Variants in CHD1L observed in about 807,000 individuals in gnomAD.
CHD1L encodes chromodomain helicase DNA binding protein 1 like.
A neutral mutation model predicts 115.9 loss-of-function variants in CHD1L; 118 were observed. The ratio of observed to expected loss-of-function variants is 1.02; its 90% CI spans 0.88 to 1.19. The LOEUF is 1.19. Among genes scored for constraint, CHD1L ranks in the 50% most tolerant of loss-of-function variants. The probability of loss-of-function intolerance (pLI) is 0.00; values close to 1 mark genes in which losing one functional copy is unlikely to be tolerated. For synonymous variants in CHD1L, 411 were observed against 387.1 expected, an observed-to-expected ratio of 1.06 and a Z score of -0.72; for missense variants, 1,179 against 1,065.3, an observed-to-expected ratio of 1.11 and a Z score of -1.49.
chr1:147,291,419 A>T, intron 19 of CHD1L, 63 bp from the exon 20 acceptor site: 1 of 1,336,836 alleles, frequency 7.5e-7, no homozygotes, highest in Non-Finnish European at 1.1e-6. Flanking sequence ...GCGAGATACG[A>T]GGAGGATTCA....
At chr1:147,252,024 G>A (rs201343496) in intron 1 of CHD1L, among the ~76,000 whole-genome samples, 1 of 152,066 alleles carries the variant, frequency 6.6e-6, no homozygotes, top group Non-Finnish European at 1.5e-5. Flanking sequence ...GCTATTCTTT[G>A]AAATTGGATT....
chr1:147,172,769 G>C, the CHD1L span: 2 of 152,334 alleles, frequency 1.3e-5, no homozygotes, highest in Non-Finnish European at 2.9e-5. Context: ...CTTGGCCTCT[G>C]AGACTACCCG....
chr1:147,252,609 T>C lies in CHD1L; in HGVS notation c.128-14T>C. The C allele has an allele frequency of 6.2e-7, 1 of 1,604,592 alleles. No homozygotes were observed. Among genetic ancestry groups the C allele is most frequent in the Non-Finnish European group, 8.5e-7 (1 of 1,172,178 alleles). Reference sequence around the variant, plus strand: ...ATGTCTGCTCTTCGGATTTGCTGTATTTTTTGTTTCTAGGGATTCACCTAC... The same window carrying C: ...ATGTCTGCTCTTCGGATTTGCTGTACTTTTTGTTTCTAGGGATTCACCTAC... On this transcript the variant is annotated splice_polypyrimidine_tract_variant and intron_variant, in intron 1 of 22. Coordinates refer to ENST00000369258, the MANE Select transcript of CHD1L (RefSeq NM_004284.6).
intron 20 of CHD1L, among the ~76,000 whole-genome samples, chr1:147,292,724 G>C (rs906535157): frequency 6.6e-6 from 1 of 152,208 alleles, no homozygotes. Flanking sequence ...AGGAACAAGA[G>C]AGAGTGGGGG....
chr1:147,261,412 T>TTATA (rs1553119576), intron 6 of CHD1L, among the ~76,000 whole-genome samples: 14 of 147,378 alleles, frequency 9.5e-5, no homozygotes, highest in Admixed American at 2.0e-4. Flanking sequence ...TTTTTTTTTT[T>TTATA]TATATATAAA....
intron 15 of CHD1L, among the ~76,000 whole-genome samples, chr1:147,280,748 A>G (rs587704053): frequency 6.8e-6 from 1 of 147,622 alleles, no homozygotes; most frequent in East Asian, 1.9e-4. Context: ...GTTCTTTTCT[A>G]TTCTGAGCAC....
At chr1:147,221,799 C>A in the CHD1L span, among the ~76,000 whole-genome samples, 1 of 152,160 alleles carries the variant, frequency 6.6e-6, no homozygotes, top group Admixed American at 6.6e-5. Context: ...AATCACTAAC[C>A]ACAACAAGTG....
At chr1:147,248,471 G>A (rs587637660) in intron 1 of CHD1L, among the ~76,000 whole-genome samples, 1 of 152,114 alleles carries the variant, frequency 6.6e-6, no homozygotes, top group African/African-American at 2.4e-5. Context: ...GCCTCCCAAA[G>A]TGCTGGGATT....
the CHD1L span, among the ~76,000 whole-genome samples, chr1:147,229,890 C>T: frequency 6.6e-6 from 1 of 151,828 alleles, no homozygotes; most frequent in Non-Finnish European, 1.5e-5. Flanking sequence ...AGTTGCTCAT[C>T]AGTTTAAGGA....
chr1:147,286,387 G>T lies in CHD1L; in HGVS notation c.2108G>T (p.Ser703Ile), dbSNP rs782727796. Residue 703 changes from serine to isoleucine, a missense_variant, in exon 18 of 23, where the codon AGC becomes ATC. Transcript: ENST00000369258. ...EPEDLENGEE[S>I]SAELDYQDPD... Reference sequence around the variant, plus strand: ...GAGGACCTTGAGAATGGGGAAGAGAGCTCTGCTGAGCTGGATTACCAAGAC... The same window carrying T: ...GAGGACCTTGAGAATGGGGAAGAGATCTCTGCTGAGCTGGATTACCAAGAC... The T allele has an allele frequency of 1.9e-6, 3 of 1,614,152 alleles. No homozygotes were observed. The highest frequency in any genetic ancestry group is 2.5e-6 in the Non-Finnish European group (3 of 1,180,026).
At chr1:147,255,121 G>T (rs1553939135) in intron 3 of CHD1L, 145 bp downstream of exon 3, 2 of 536,078 alleles carry the variant, frequency 3.7e-6, no homozygotes, top group African/African-American at 3.8e-5. Flanking sequence ...AGTGTAGGTA[G>T]ACACTGAGGA....
intron 18 of CHD1L, 143 bp downstream of exon 18, chr1:147,286,643 A>G: frequency 1.4e-6 from 1 of 718,850 alleles, no homozygotes; most frequent in South Asian, 1.9e-5. Context: ...GAGTCAGGAG[A>G]TATTCCAGAA....
the CHD1L span, chr1:147,176,048 T>C: frequency 7.2e-5 from 11 of 152,060 alleles, no homozygotes; most frequent in Non-Finnish European, 1.5e-4. Context: ...AGTGGAGTTA[T>C]TGATACTTAC....
chr1:147,178,041 G>A, the CHD1L span: 13 of 716,656 alleles, frequency 1.8e-5, no homozygotes, highest in Non-Finnish European at 2.8e-5. Context: ...TAAAATAGGT[G>A]GTCGCGCGCC....
the CHD1L span, chr1:147,213,329 G>C: frequency 2.5e-6 from 4 of 1,611,116 alleles, no homozygotes; most frequent in Non-Finnish European, 1.7e-6. Context: ...TCCAGAGGTA[G>C]ATGAGCATTG....
chr1:147,216,578 A>C, the CHD1L span, among the ~76,000 whole-genome samples: 24 of 152,224 alleles, frequency 1.6e-4, no homozygotes, highest in African/African-American at 5.3e-4. Context: ...CCTTTTAAAA[A>C]AATATTCAGC....
the CHD1L span, among the ~76,000 whole-genome samples, chr1:147,173,795 A>T: frequency 6.6e-6 from 1 of 152,242 alleles, no homozygotes; most frequent in African/African-American, 2.4e-5. Flanking sequence ...TAACAAGATC[A>T]CATTAAAGTG....
the CHD1L span, chr1:147,225,154 G>A: frequency 2.6e-6 from 4 of 1,544,956 alleles, no homozygotes; most frequent in Non-Finnish European, 3.5e-6. Context: ...AATAAATTCT[G>A]TACAAGAGGT....
chr1:147,252,746 A>G lies in CHD1L; in HGVS notation c.240+11A>G, dbSNP rs782648745. 6.3e-7 allele frequency: 1 copy of G among 1,593,174 alleles called. No individual in the cohort carries two copies. The highest frequency in any genetic ancestry group is 8.6e-7 in the Non-Finnish European group (1 of 1,161,322). ...GGGAAGACCTGCCAGGTGTGTTACT[A>G]TGCGACGAGTACTGCTCACCGCCAC... On this transcript the variant is annotated intron_variant, in intron 2 of 22. Transcript: ENST00000369258.
Sources: gnomAD v4.1 joint callset for allele counts (sites outside exome capture counted in the v4.1 genomes callset) on GRCh38, gnomAD v4.1.1 for gene constraint, MANE v1.5 for transcripts, NCBI Gene and HGNC (gene_info 2026-07-23, HGNC 2026-07-21) for gene names.